AKR1B1: variants seen among roughly 807,000 people sequenced by gnomAD.
The protein encoded by AKR1B1 is aldo-keto reductase family 1 member B1.
In AKR1B1, 22 loss-of-function variants were observed where a neutral mutation model predicts 40.4. That is an observed-to-expected ratio of 0.54 (90% confidence interval 0.39 to 0.78). AKR1B1 has a LOEUF of 0.78. AKR1B1 is among the 30% of genes least tolerant of loss of function. The pLI, the probability that AKR1B1 is intolerant of heterozygous loss-of-function variation, is 0.00. For synonymous variants in AKR1B1, 157 were observed against 149.9 expected, an observed-to-expected ratio of 1.05 and a Z score of -0.35; for missense variants, 357 against 396.7, an observed-to-expected ratio of 0.90 and a Z score of 0.85.
intron 4 of AKR1B1, 105 bp downstream of exon 4, chr7:134,449,615 A>C: frequency 1.0e-6 from 1 of 963,290 alleles, no homozygotes; most frequent in South Asian, 1.3e-5. Flanking sequence ...AGCAAACAAC[A>C]GGGACAGAAT....
intron 9 of AKR1B1, among the ~76,000 whole-genome samples, 197 bp from the exon 10 acceptor site, chr7:134,442,967 G>C (rs905198721): frequency 2.0e-5 from 3 of 152,154 alleles, no homozygotes; most frequent in Non-Finnish European, 4.4e-5. Flanking sequence ...TACCACTACT[G>C]TCATCAAGCA....
In AKR1B1 at chr7:134,447,658, C is replaced by T. The variant is rs1428633383; in HGVS notation, c.742-277G>A. 1.8e-4 allele frequency: 111 copies of T among 613,342 alleles called. No homozygotes were observed. In the East Asian group the frequency reaches 3.0e-3, roughly 17 times the overall value. The allele number at this position is 613,342 out of a possible 1,614,324, so 38.0% of individuals were successfully genotyped here. ...AGGCCCTCCACTGGCTAGAAATGCA[C>T]ACTACCACTCAGGAGAAAGAACATT... On this transcript the variant is annotated intron_variant, in intron 7 of 9. Coordinates refer to ENST00000285930, the MANE Select transcript of AKR1B1 (RefSeq NM_001628.4).
chr7:134,448,597 A>G, intron 5 of AKR1B1, 104 bp from the exon 6 acceptor site: 6 of 837,562 alleles, frequency 7.2e-6, no homozygotes, highest in Non-Finnish European at 1.2e-5. Flanking sequence ...CCATACAGAA[A>G]ACTATGTATA....
At chr7:134,451,276 A>G (rs1806279649) in intron 2 of AKR1B1, 1 of 530,154 alleles carries the variant, frequency 1.9e-6, no homozygotes, top group South Asian at 2.0e-5. Context: ...AGCACTGGAG[A>G]TTCAGTTTGC....
intron 7 of AKR1B1, 151 bp downstream of exon 7, chr7:134,447,829 G>A (rs528966222): frequency 2.5e-5 from 19 of 757,676 alleles, no homozygotes; most frequent in Admixed American, 1.0e-4. Flanking sequence ...CTAAAACCCC[G>A]ATCTGTGCCC....
intron 7 of AKR1B1, 45 bp from the exon 8 acceptor site, chr7:134,447,426 T>C: frequency 6.6e-7 from 1 of 1,514,332 alleles, no homozygotes; most frequent in Non-Finnish European, 9.2e-7. Context: ...TGCCAGGCAC[T>C]CGCACCCATC....
At chr7:134,455,578 G>GTTT (rs1806443546) in intron 1 of AKR1B1, among the ~76,000 whole-genome samples, 1 of 152,052 alleles carries the variant, frequency 6.6e-6, no homozygotes, top group Non-Finnish European at 1.5e-5. Flanking sequence ...ATGGGTTTTT[G>GTTT]TTGTTGTTGT....
chr7:134,451,519 CT>C, intron 2 of AKR1B1, 66 bp downstream of exon 2: 1 of 1,589,842 alleles, frequency 6.3e-7, no homozygotes, highest in Non-Finnish European at 8.6e-7. Context: ...GTGGACTTGG[CT>C]TTGGGCTGAT....
rs5060 is a variant in AKR1B1, at chr7:134,449,726, C to T, written c.423G>A (p.Thr141=). 2.6e-3 allele frequency: 4,216 copies of T among 1,613,900 alleles called. 84 individuals carry two copies. In the African/African-American group the frequency reaches 0.044, roughly 17 times the overall value. The change falls in exon 4 of 10, where the codon ACG becomes ACA. Residue 141 remains threonine, a synonymous_variant. Transcript: ENST00000285930. Reference sequence around the variant, plus strand: ...CAACCAGGGGCTGTCTTACCGCCCACGTGTCCAGAATGTTGGTGTCACTGG... The same window carrying T: ...CAACCAGGGGCTGTCTTACCGCCCATGTGTCCAGAATGTTGGTGTCACTGG... ...VVPSDTNILD[T]WAAMEELVDE...
Position 134,447,987 on chromosome 7 carries a change from G to A in AKR1B1, c.734C>T (p.Thr245Ile), listed in dbSNP as rs1399057016. Reference sequence around the variant, plus strand: ...CACCTGAAGTGGCTGTACCTGGGCTGTAGTTTTATTGTGCTTGGCTGCGAT... The same window carrying A: ...CACCTGAAGTGGCTGTACCTGGGCTATAGTTTTATTGTGCTTGGCTGCGAT... ...KAIAAKHNKT[T>I]AQVLIRFPMQ... Residue 245 changes from threonine (T) to isoleucine (I), a missense_variant, in exon 7 of 10, where the codon ACA (threonine) becomes ATA (isoleucine). Coordinates refer to ENST00000285930, the MANE Select transcript of AKR1B1 (RefSeq NM_001628.4). The A allele has an allele frequency of 1.7e-5, 28 of 1,612,588 alleles. No individual in the cohort carries two copies. The highest frequency in any genetic ancestry group is 2.2e-5 in the East Asian group (1 of 44,808).
At chr7:134,459,104 C>T, upstream of AKR1B1, 6 of 1,579,550 alleles carry the variant, frequency 3.8e-6, no homozygotes, top group Non-Finnish European at 5.2e-6. Context: ...ACGGTGCGGC[C>T]TTGGCCGCGG....
In AKR1B1 at chr7:134,447,251, C is replaced by T. The variant is rs930988208; in HGVS notation, c.825+47G>A. The T allele has an allele frequency of 2.7e-6, 4 of 1,498,116 alleles. No homozygotes were observed. The East Asian group carries it at 6.8e-5, about 25-fold the overall frequency. The allele number at this position is 1,498,116 out of a possible 1,614,324, so 92.8% of individuals were successfully genotyped here. A position where few individuals can be genotyped will look rare whatever the true frequency, so the allele number is the denominator to read the frequency against. Reference sequence around the variant, plus strand: ...AGACAGGATGAGAGGCCTCCCCCATCCCCCACTCCATGGAGGAGGGCCAGG... The same window carrying T: ...AGACAGGATGAGAGGCCTCCCCCATTCCCCACTCCATGGAGGAGGGCCAGG... On this transcript the variant is annotated intron_variant, in intron 8 of 9. Coordinates refer to ENST00000285930, the MANE Select transcript of AKR1B1 (RefSeq NM_001628.4).
intron 8 of AKR1B1, among the ~76,000 whole-genome samples, chr7:134,446,821 C>G (rs1806112541): frequency 6.6e-6 from 1 of 152,266 alleles, no homozygotes; most frequent in African/African-American, 2.4e-5. Context: ...TTCTCGATCA[C>G]TTACTAAGGT....
chr7:134,447,420 A>C (rs1310242141), intron 7 of AKR1B1, 39 bp from the exon 8 acceptor site: 1 of 1,546,668 alleles, frequency 6.5e-7, no homozygotes, highest in Non-Finnish European at 8.9e-7. Context: ...TATACATGCC[A>C]GGCACTCGCA....
chr7:134,453,762 C>T (rs976762737), intron 1 of AKR1B1, among the ~76,000 whole-genome samples: 2 of 152,096 alleles, frequency 1.3e-5, no homozygotes, highest in Admixed American at 6.5e-5. Flanking sequence ...GGAGGCTGAT[C>T]AAAGGTGCTG....
intron 9 of AKR1B1, among the ~76,000 whole-genome samples, chr7:134,443,840 T>C (rs1280071648): frequency 6.6e-6 from 1 of 152,072 alleles, no homozygotes; most frequent in African/African-American, 2.4e-5. Context: ...TCAGGCTCAG[T>C]AAAGCATTAT....
chr7:134,459,236 C>CGGCG, upstream of AKR1B1: 1 of 727,600 alleles, frequency 1.4e-6, no homozygotes, highest in Non-Finnish European at 2.3e-6. Flanking sequence ...CCCCAAGGGT[C>CGGCG]GGCGGGGATG....
At chr7:134,450,624 C>G (rs973217485) in intron 3 of AKR1B1, among the ~76,000 whole-genome samples, 162 bp downstream of exon 3, 3 of 152,220 alleles carry the variant, frequency 2.0e-5, no homozygotes, top group Non-Finnish European at 2.9e-5. Flanking sequence ...ACTGTGATTT[C>G]TAAGACGCTC....
intron 2 of AKR1B1, chr7:134,451,381 G>C (rs1034104968): frequency 2.0e-5 from 13 of 666,286 alleles, no homozygotes; most frequent in African/African-American, 3.5e-5. Flanking sequence ...TCTAAGCAAT[G>C]GGCCCAGATG....
Sources: allele counts gnomAD v4.1 joint callset (sites outside exome capture counted in the v4.1 genomes callset), GRCh38; gene constraint gnomAD v4.1.1; transcripts MANE v1.5; gene names NCBI Gene and HGNC (gene_info 2026-07-23, HGNC 2026-07-21).